The following ANO6 variants were observed in gnomAD, a reference collection of about 807,000 sequenced individuals.
ANO6 encodes the protein anoctamin 6.
ANO6 carries 106 observed loss-of-function variants against 117.5 expected under a neutral mutation model. That is an observed-to-expected ratio of 0.90 (90% confidence interval 0.77 to 1.06). ANO6 has a LOEUF of 1.06. Ranked by LOEUF, ANO6 falls within the 50% of genes least tolerant of loss-of-function variation. The pLI is 0.00. For missense variants in ANO6, 955 were observed against 1,121.1 expected (o/e 0.85, Z 2.12); for synonymous variants, 367 against 385.1 (o/e 0.95, Z 0.55).
At chr12:45,377,931 T>C in intron 9 of ANO6, 122 bp from the exon 10 acceptor site, 1 of 891,002 alleles carries the variant, frequency 1.1e-6, no homozygotes, top group South Asian at 1.4e-5. Flanking sequence ...TAGATGATTG[T>C]TAAACTAGGC....
chr12:45,417,008 T>C (rs1341964915), intron 17 of ANO6, 104 bp downstream of exon 17: 2 of 1,123,820 alleles, frequency 1.8e-6, no homozygotes, highest in Non-Finnish European at 2.6e-6. Flanking sequence ...AGGAAGATGC[T>C]AAGTCTGTCA....
intron 2 of ANO6, among the ~76,000 whole-genome samples, chr12:45,318,957 A>AAG: frequency 6.6e-6 from 1 of 152,182 alleles, no homozygotes; most frequent in Admixed American, 6.5e-5. Flanking sequence ...ATTTTTGTAC[A>AAG]TTGATTTTGT....
chr12:45,273,856 A>G (rs2137238940), intron 1 of ANO6, among the ~76,000 whole-genome samples: 1 of 152,288 alleles, frequency 6.6e-6, no homozygotes, highest in East Asian at 1.9e-4. Context: ...GAGGGTTACT[A>G]AGTGGTCTGA....
chr12:45,265,489 G>C (rs1456269335), intron 1 of ANO6, among the ~76,000 whole-genome samples: 2 of 152,116 alleles, frequency 1.3e-5, no homozygotes, highest in Non-Finnish European at 2.9e-5. Context: ...GTTATGTCTT[G>C]AGTGCTTACT....
intron 10 of ANO6, among the ~76,000 whole-genome samples, chr12:45,379,619 A>G (rs1037277405): frequency 6.6e-6 from 1 of 152,240 alleles, no homozygotes; most frequent in Non-Finnish European, 1.5e-5. Flanking sequence ...CATAATGTAT[A>G]ACATTCTAAC....
intron 1 of ANO6, among the ~76,000 whole-genome samples, chr12:45,292,480 C>T (rs751800327): frequency 6.6e-6 from 1 of 152,142 alleles, no homozygotes; most frequent in Non-Finnish European, 1.5e-5. Flanking sequence ...TTATATATTA[C>T]GTTACTGCAA....
chr12:45,293,738 T>TGTTTTG (rs201804691), intron 1 of ANO6, among the ~76,000 whole-genome samples: 7,600 of 134,424 alleles, frequency 0.057, 570 homozygotes, highest in East Asian at 0.35. Context: ...TGTTTTTTTT[T>TGTTTTG]TTTTTTTTTT....
chr12:45,405,891 GA>G (rs1164190604), intron 15 of ANO6, among the ~76,000 whole-genome samples: 2 of 151,854 alleles, frequency 1.3e-5, no homozygotes, highest in Non-Finnish European at 2.9e-5. Context: ...TAGGCAACAA[GA>G]GCGAAACTCC....
In ANO6 at chr12:45,390,275, C is replaced by CA. The variant is rs755173804; in HGVS notation, c.1309-140dup. 634 of 714,514 alleles carry CA rather than the reference C, an allele frequency of 8.9e-4. 2 individuals carry two copies. Among genetic ancestry groups the CA allele is most frequent in the Non-Finnish European group, 1.2e-3 (471 of 408,284 alleles). The allele number at this position is 714,514 out of a possible 1,614,324, so 44.3% of individuals were successfully genotyped here. A position where few individuals can be genotyped will look rare whatever the true frequency, so the allele number is the denominator to read the frequency against. On this transcript the variant is annotated intron_variant, in intron 11 of 19. Transcript: ENST00000320560. Reference sequence around the variant, plus strand: ...TGATGTGTGACTTTGAAATTGTTAACAAAAAAGTGCAATTATGAGTAAGGA... The same window carrying CA: ...TGATGTGTGACTTTGAAATTGTTAACAAAAAAAGTGCAATTATGAGTAAGGA...
chr12:45,231,693 G>C (rs774839237), intron 1 of ANO6, among the ~76,000 whole-genome samples: 2 of 152,046 alleles, frequency 1.3e-5, no homozygotes, highest in Non-Finnish European at 2.9e-5. Context: ...CATATTTTCT[G>C]CCTCCATTTA....
chr12:45,390,093 A>G (rs958301633), intron 11 of ANO6, among the ~76,000 whole-genome samples: 8 of 152,204 alleles, frequency 5.3e-5, no homozygotes, highest in African/African-American at 1.9e-4. Context: ...CTATCATCAC[A>G]GCGATTTCTA....
chr12:45,326,598 G>A (rs984628095), intron 2 of ANO6, among the ~76,000 whole-genome samples: 9 of 152,098 alleles, frequency 5.9e-5, no homozygotes, highest in African/African-American at 2.2e-4. Context: ...GCTAAACCCA[G>A]GGCTGCTTGA....
chr12:45,416,006 A>G (rs958291441), intron 16 of ANO6, among the ~76,000 whole-genome samples: 5 of 152,208 alleles, frequency 3.3e-5, no homozygotes, highest in African/African-American at 1.2e-4. Flanking sequence ...GGCCGTGTCA[A>G]TTACAAACAA....
At chr12:45,347,928 T>G (rs1417977037) in intron 4 of ANO6, 100 bp from the exon 5 acceptor site, 4 of 1,173,062 alleles carry the variant, frequency 3.4e-6, no homozygotes, top group Non-Finnish European at 4.9e-6. Flanking sequence ...GTCTCTGTAT[T>G]GTTTTTTTAA....
intron 1 of ANO6, chr12:45,270,347 G>A (rs1387930272): frequency 2.6e-5 from 34 of 1,319,648 alleles, no homozygotes; most frequent in Middle Eastern, 2.6e-4. Flanking sequence ...CTTGTACGAG[G>A]TCAGGTCCTT....
chr12:45,410,828 C>T (rs1943068153), intron 16 of ANO6, among the ~76,000 whole-genome samples: 1 of 152,168 alleles, frequency 6.6e-6, no homozygotes, highest in African/African-American at 2.4e-5. Flanking sequence ...ATACATTATA[C>T]ATGGAAACAC....
At chr12:45,397,130 A>AAT (rs1435073292) in intron 12 of ANO6, among the ~76,000 whole-genome samples, 18 of 152,322 alleles carry the variant, frequency 1.2e-4, no homozygotes, top group African/African-American at 4.3e-4. Context: ...TCTACAAGGG[A>AAT]CTCAAACAAA....
intron 2 of ANO6, among the ~76,000 whole-genome samples, chr12:45,326,136 A>G (rs11182981): frequency 0.055 from 8,304 of 152,258 alleles, 535 homozygotes; most frequent in East Asian, 0.35. Flanking sequence ...GTGGTATTCT[A>G]ATGATAGAAC....
chr12:45,313,862 A>T, intron 2 of ANO6, among the ~76,000 whole-genome samples: 1 of 152,120 alleles, frequency 6.6e-6, no homozygotes. Context: ...TACTATTTTG[A>T]GTAAGCGACT....
Sources: allele counts gnomAD v4.1 joint callset (sites outside exome capture counted in the v4.1 genomes callset), GRCh38; gene constraint gnomAD v4.1.1; transcripts MANE v1.5; gene names NCBI Gene and HGNC (gene_info 2026-07-23, HGNC 2026-07-21).